BCO1: variants seen among roughly 807,000 people sequenced by gnomAD.
The protein encoded by BCO1 is beta,beta-carotene 15,15'-dioxygenase.
In BCO1, 54 loss-of-function variants were observed where a neutral mutation model predicts 56.3. That is an observed-to-expected ratio of 0.96 (90% CI 0.77 to 1.20). The LOEUF (loss-of-function observed/expected upper bound fraction) is 1.20. BCO1 is among the 50% of genes most tolerant of loss of function. The probability of loss-of-function intolerance (pLI) is 0.00; values close to 1 mark genes in which losing one functional copy is unlikely to be tolerated. For synonymous variants in BCO1, 318 were observed against 266.1 expected (o/e 1.20, Z -1.90); for missense variants, 801 against 690.9 (o/e 1.16, Z -1.79).
intron 2 of BCO1, among the ~76,000 whole-genome samples, chr16:81,250,694 C>T (rs1446265586): frequency 6.7e-6 from 1 of 149,792 alleles, no homozygotes; most frequent in East Asian, 2.0e-4. Context: ...GATTCTCGTG[C>T]CTCGGCCTCT....
chr16:81,265,296 C>T (rs1906742501), intron 5 of BCO1, among the ~76,000 whole-genome samples: 1 of 151,084 alleles, frequency 6.6e-6, no homozygotes, highest in Non-Finnish European at 1.5e-5. Flanking sequence ...CACCCACCTA[C>T]CCATCCACCC....
rs371593751 is a variant in BCO1 at position 81,245,568 on chromosome 16, G to T, written c.158G>T (p.Gly53Val). 4 of 1,614,192 alleles carry T rather than the reference G, an allele frequency of 2.5e-6. No individual in the cohort carries two copies. Among genetic ancestry groups the T allele is most frequent in the Middle Eastern group, 1.6e-4 (1 of 6,062 alleles). Residue 53 changes from glycine to valine, a missense_variant, in exon 2 of 11, where the codon GGC becomes GTC. Coordinates refer to ENST00000258168, the MANE Select transcript of BCO1 (RefSeq NM_017429.3). Reference sequence around the variant, plus strand: ...TCCAGATACAACCATTGGTTCGACGGCCTTGCCCTGCTCCACAGCTTCACC... The same window carrying T: ...TCCAGATACAACCATTGGTTCGACGTCCTTGCCCTGCTCCACAGCTTCACC... ...GESRYNHWFD[G>V]LALLHSFTIR...
At chr16:81,260,750 C>T (rs1906434847) in intron 3 of BCO1, among the ~76,000 whole-genome samples, 1 of 152,156 alleles carries the variant, frequency 6.6e-6, no homozygotes, top group Non-Finnish European at 1.5e-5. Context: ...CTTAGGTGAT[C>T]CACCCACCTT....
chr16:81,272,378 A>T (rs981006412), intron 7 of BCO1, among the ~76,000 whole-genome samples: 14 of 151,988 alleles, frequency 9.2e-5, no homozygotes, highest in Non-Finnish European at 1.5e-4. Flanking sequence ...TTGGCCTCCC[A>T]AAGTGCTGGG....
At chr16:81,246,885 G>A in intron 2 of BCO1, among the ~76,000 whole-genome samples, 1 of 131,026 alleles carries the variant, frequency 7.6e-6, no homozygotes. Context: ...TACAGAGCTG[G>A]AAAGAGCAAA....
chr16:81,280,791 C>A (rs1259511931), intron 7 of BCO1, 66 bp from the exon 8 acceptor site: 2 of 1,201,958 alleles, frequency 1.7e-6, no homozygotes, highest in Non-Finnish European at 2.5e-6. Context: ...AATATATACA[C>A]TAAAGCAAAT....
intron 9 of BCO1, 116 bp downstream of exon 9, chr16:81,285,750 C>G: frequency 1.2e-6 from 1 of 811,758 alleles, no homozygotes. Context: ...AGGAGTAAGC[C>G]TAGGATAAAA....
chr16:81,287,754 C>G (rs1025666425), intron 10 of BCO1, among the ~76,000 whole-genome samples: 2 of 152,116 alleles, frequency 1.3e-5, no homozygotes, highest in South Asian at 4.1e-4. Context: ...AAGACAGAGC[C>G]CAGCAGGGAC....
intron 7 of BCO1, among the ~76,000 whole-genome samples, chr16:81,278,144 C>A (rs1486897955): frequency 6.6e-6 from 1 of 152,116 alleles, no homozygotes; most frequent in African/African-American, 2.4e-5. Flanking sequence ...CAGGTTCAAG[C>A]GATTCTCCTG....
intron 5 of BCO1, 44 bp from the exon 6 acceptor site, chr16:81,267,864 C>G (rs377556867): frequency 2.2e-5 from 34 of 1,574,158 alleles, no homozygotes; most frequent in Non-Finnish European, 2.9e-5. Context: ...GGGGGGGCAG[C>G]CAGATCCTGC....
chr16:81,250,018 CT>C (rs1390907238), intron 2 of BCO1, among the ~76,000 whole-genome samples: 6 of 152,156 alleles, frequency 3.9e-5, no homozygotes, highest in Admixed American at 3.3e-4. Flanking sequence ...AGAGGCAATA[CT>C]TTCCCAGTCA....
intron 6 of BCO1, 78 bp downstream of exon 6, chr16:81,268,209 T>A: frequency 3.0e-6 from 4 of 1,353,380 alleles, no homozygotes; most frequent in South Asian, 1.2e-5. Context: ...GGGTGAAGTT[T>A]AAGGCAAGGA....
intron 2 of BCO1, among the ~76,000 whole-genome samples, chr16:81,253,367 G>T (rs1294995164): frequency 6.6e-6 from 1 of 152,158 alleles, no homozygotes; most frequent in Non-Finnish European, 1.5e-5. Context: ...ACTCTGCAAG[G>T]ACTGTGTCAC....
At chr16:81,241,830 G>A (rs971046455) in intron 1 of BCO1, among the ~76,000 whole-genome samples, 3 of 152,176 alleles carry the variant, frequency 2.0e-5, no homozygotes, top group East Asian at 1.9e-4. Flanking sequence ...GGGTTGACAC[G>A]TCCATGCAGG....
rs2151926313 is a variant in BCO1 at position 81,245,586 on chromosome 16, G to A, written c.176G>A (p.Ser59Asn). ...HWFDGLALLH[S>N]FTIRDGEVYY... ...TTCGACGGCCTTGCCCTGCTCCACAGCTTCACCATCAGAGACGGTGAGAAC... is the reference window on the plus strand; with the variant it reads ...TTCGACGGCCTTGCCCTGCTCCACAACTTCACCATCAGAGACGGTGAGAAC... Residue 59 changes from serine (S) to asparagine (N), a missense_variant, in exon 2 of 11, where the codon AGC becomes AAC. Physicochemically the swap from Ser to Asn is conservative, Grantham distance 46 (BLOSUM62 1). Coordinates refer to ENST00000258168, the MANE Select transcript of BCO1 (RefSeq NM_017429.3). 1 of 1,614,198 alleles carries A rather than the reference G, an allele frequency of 6.2e-7. No homozygotes were observed. The highest frequency in any genetic ancestry group is 2.2e-5 in the East Asian group (1 of 44,878).
chr16:81,279,276 C>A (rs1907730576), intron 7 of BCO1, among the ~76,000 whole-genome samples: 1 of 152,036 alleles, frequency 6.6e-6, no homozygotes, highest in African/African-American at 2.4e-5. Flanking sequence ...AAGACCCTGT[C>A]CCAAAATAAA....
At chr16:81,268,192 T>G in intron 6 of BCO1, 61 bp downstream of exon 6, 7 of 1,477,208 alleles carry the variant, frequency 4.7e-6, no homozygotes, top group Non-Finnish European at 5.6e-6. Context: ...GAGGCTGGTG[T>G]GCAGGAGGGT....
Position 81,240,362 on chromosome 16 carries a change from AT to A in BCO1, c.64+1398del, listed in dbSNP as rs922305708. On this transcript the variant is annotated intron_variant, in intron 1 of 10. Coordinates refer to ENST00000258168, the MANE Select transcript of BCO1 (RefSeq NM_017429.3). The stretch of plus-strand genomic sequence containing the variant: ...AGCAAATGTATACTATTACATTTTT[AT>A]TTTTTTTCTCAATTTGACTGTTCAT... 6.6e-5 allele frequency among the ~76,000 whole-genome samples: 10 copies of A among 151,908 alleles called. No homozygotes were observed. The East Asian group carries it at 7.7e-4, about 12-fold the overall frequency.
chr16:81,272,654 T>G (rs1907307431), intron 7 of BCO1, among the ~76,000 whole-genome samples: 1 of 152,190 alleles, frequency 6.6e-6, no homozygotes. Context: ...TACAGAGACT[T>G]ACAAAGGCTT....
Sources: allele counts gnomAD v4.1 joint callset (sites outside exome capture counted in the v4.1 genomes callset), GRCh38; gene constraint gnomAD v4.1.1; transcripts MANE v1.5; gene names NCBI Gene and HGNC (gene_info 2026-07-23, HGNC 2026-07-21).